The following MAPK10 variants were observed in gnomAD, a reference collection of about 807,000 sequenced individuals.
MAPK10 encodes the protein mitogen-activated protein kinase 10.
MAPK10 carries 25 observed loss-of-function variants against 59.3 expected under a neutral mutation model. That is an observed-to-expected ratio of 0.42 (90% CI 0.31 to 0.59). The LOEUF is 0.59. Ranked by LOEUF, MAPK10 falls within the 20% of genes least tolerant of loss-of-function variation. The pLI is 0.15. For synonymous variants in MAPK10, 190 were observed against 200.5 expected, an observed-to-expected ratio of 0.95 and a Z score of 0.44; for missense variants, 351 against 568.9, an observed-to-expected ratio of 0.62 and a Z score of 3.90.
In MAPK10 at chr4:86,188,755, C is replaced by T. The variant is rs553300407; in HGVS notation, c.66+5581G>A. Among the ~76,000 whole-genome samples the T allele has an allele frequency of 1.7e-3, 262 of 152,248 alleles. 3 individuals carry two copies. Among genetic ancestry groups the T allele is most frequent in the African/African-American group, 5.7e-3 (237 of 41,532 alleles). On this transcript the variant is annotated intron_variant, in intron 3 of 13. Transcript: ENST00000641462. ...AGAAGCTCTTTAGTTTAACTAGATC[C>T]CATTTGTCAATTTTGGCTTTTGTTG... is the stretch of plus-strand genomic sequence containing the variant.
chr4:86,329,664 G>T (rs1364405555), intron 2 of MAPK10, among the ~76,000 whole-genome samples: 3 of 152,076 alleles, frequency 2.0e-5, no homozygotes, highest in Non-Finnish European at 4.4e-5. Context: ...TGTGCCATCT[G>T]CCATATGCTT....
At chr4:86,529,961 A>C (rs1757741320) in intron 1 of MAPK10, among the ~76,000 whole-genome samples, 1 of 152,028 alleles carries the variant, frequency 6.6e-6, no homozygotes, top group African/African-American at 2.4e-5. Flanking sequence ...TTAAATAATT[A>C]GAATTTTTTT....
chr4:86,094,888 TAAGAATGTTTA>T (rs1448910246), intron 9 of MAPK10, among the ~76,000 whole-genome samples: 3 of 151,858 alleles, frequency 2.0e-5, no homozygotes, highest in Admixed American at 6.6e-5. Flanking sequence ...AGCATGCGTT[TAAGAATGTTTA>T]AAGAATGTTT....
intron 2 of MAPK10, among the ~76,000 whole-genome samples, chr4:86,319,915 C>T (rs916685458): frequency 3.3e-5 from 5 of 152,238 alleles, no homozygotes; most frequent in African/African-American, 1.2e-4. Context: ...TTTCTACTCT[C>T]TCCCTCACTC....
intron 2 of MAPK10, among the ~76,000 whole-genome samples, chr4:86,239,083 T>C (rs1035125629): frequency 6.6e-6 from 1 of 152,224 alleles, no homozygotes; most frequent in African/African-American, 2.4e-5. Flanking sequence ...TTAAAGGCCT[T>C]TTCTGCATCT....
intron 1 of MAPK10, among the ~76,000 whole-genome samples, chr4:86,510,063 C>T (rs1756102140): frequency 6.6e-6 from 1 of 152,010 alleles, no homozygotes; most frequent in African/African-American, 2.4e-5. Flanking sequence ...AATCCAAATG[C>T]CTTTTAGTTC....
intron 2 of MAPK10, among the ~76,000 whole-genome samples, chr4:86,240,222 A>T (rs1284585764): frequency 6.6e-6 from 1 of 152,176 alleles, no homozygotes; most frequent in Non-Finnish European, 1.5e-5. Flanking sequence ...ACTGTTTGTT[A>T]TGATTTCAGT....
chr4:86,397,303 G>A (rs1743069222), intron 1 of MAPK10, among the ~76,000 whole-genome samples: 4 of 152,196 alleles, frequency 2.6e-5, no homozygotes, highest in Admixed American at 2.6e-4. Context: ...CATTCTTAAT[G>A]AAACCTTTAT....
At chr4:86,536,540 A>G (rs1758256407) in intron 1 of MAPK10, among the ~76,000 whole-genome samples, 1 of 152,196 alleles carries the variant, frequency 6.6e-6, no homozygotes, top group Admixed American at 6.5e-5. Context: ...TAAAAGAAAA[A>G]TTTGGTCTTG....
chr4:86,479,864 C>T (rs1228150429), intron 1 of MAPK10, among the ~76,000 whole-genome samples: 1 of 152,122 alleles, frequency 6.6e-6, no homozygotes, highest in Non-Finnish European at 1.5e-5. Context: ...AACAACCCCA[C>T]AATATCCCCC....
chr4:86,501,318 G>T (rs1208285548), intron 1 of MAPK10, among the ~76,000 whole-genome samples: 14 of 151,862 alleles, frequency 9.2e-5, no homozygotes, highest in Admixed American at 7.2e-4. Context: ...TTTCAACCAA[G>T]TGGTATACAA....
chr4:86,280,008 C>T (rs900131707), intron 2 of MAPK10, among the ~76,000 whole-genome samples: 1 of 151,988 alleles, frequency 6.6e-6, no homozygotes, highest in Non-Finnish European at 1.5e-5. Context: ...CTATAAAAAC[C>T]CTAGAAGAAA....
intron 4 of MAPK10, among the ~76,000 whole-genome samples, chr4:86,122,252 T>C (rs889215859): frequency 1.3e-5 from 2 of 152,188 alleles, no homozygotes; most frequent in Admixed American, 1.3e-4. Context: ...CAGGCATTTA[T>C]CTGCTAATGC....
At chr4:86,449,245 G>A (rs990528979) in intron 1 of MAPK10, among the ~76,000 whole-genome samples, 1 of 152,096 alleles carries the variant, frequency 6.6e-6, no homozygotes, top group African/African-American at 2.4e-5. Context: ...CTAATCCTCC[G>A]TGAAAATGTC....
At chr4:86,232,047 T>A (rs572014512) in intron 2 of MAPK10, among the ~76,000 whole-genome samples, 1 of 152,328 alleles carries the variant, frequency 6.6e-6, no homozygotes, top group East Asian at 1.9e-4. Flanking sequence ...AGTCACATAG[T>A]CAATATTTTA....
rs149541021 is a variant in MAPK10, at chr4:86,044,174, A to C, written c.1111-12743T>G. ...CCACTCAGAGGGGCGAGAATGTGCAATATATTGTGATGCTGCCACCTTGTG... is the reference window on the plus strand; with the variant it reads ...CCACTCAGAGGGGCGAGAATGTGCACTATATTGTGATGCTGCCACCTTGTG... On this transcript the variant is annotated intron_variant, in intron 11 of 13. Coordinates refer to ENST00000641462, the MANE Select transcript of MAPK10 (RefSeq NM_138982.4). Among the ~76,000 whole-genome samples, 233 of 152,300 alleles carry C rather than the reference A, an allele frequency of 1.5e-3. 2 individuals carry two copies. The highest frequency in any genetic ancestry group is 5.2e-3 in the African/African-American group (217 of 41,578).
chr4:86,169,814 G>T (rs909122601), intron 3 of MAPK10, among the ~76,000 whole-genome samples: 2 of 152,098 alleles, frequency 1.3e-5, no homozygotes, highest in African/African-American at 4.8e-5. Context: ...CAGCCAGAGA[G>T]AAAGGTCGGG....
At chr4:86,241,917 T>G (rs188170839) in intron 2 of MAPK10, among the ~76,000 whole-genome samples, 1 of 152,210 alleles carries the variant, frequency 6.6e-6, no homozygotes, top group African/African-American at 2.4e-5. Flanking sequence ...TCTGGTCTTT[T>G]GGGTTTTCAG....
rs978696335 is a variant in MAPK10 at position 86,330,977 on chromosome 4, A to G, written c.-7+23553T>C. Among the ~76,000 whole-genome samples the G allele has an allele frequency of 1.2e-4, 19 of 152,228 alleles. 1 individual carries two copies. The highest frequency in any genetic ancestry group is 1.5e-5 in the Non-Finnish European group (1 of 68,038). Reference sequence around the variant, plus strand: ...CATCCTCATCTTAGAATTATAGCACAATAGCTAGCATGTAATAGATAATAA... The same window carrying G: ...CATCCTCATCTTAGAATTATAGCACGATAGCTAGCATGTAATAGATAATAA... On this transcript the variant is annotated intron_variant, in intron 2 of 13. Coordinates refer to ENST00000641462, the MANE Select transcript of MAPK10 (RefSeq NM_138982.4).
Sources: allele counts gnomAD v4.1 joint callset (sites outside exome capture counted in the v4.1 genomes callset), GRCh38; gene constraint gnomAD v4.1.1; transcripts MANE v1.5; gene names NCBI Gene and HGNC (gene_info 2026-07-23, HGNC 2026-07-21).